PLXNA4: variants seen among roughly 807,000 people sequenced by gnomAD.
PLXNA4 encodes the protein plexin A4, also known as plexin-A4.
A neutral mutation model predicts 191.8 loss-of-function variants in PLXNA4; 44 were observed. That is an observed-to-expected ratio of 0.23 (90% CI 0.18 to 0.29). PLXNA4 has a LOEUF of 0.29. Ranked by LOEUF, PLXNA4 falls within the 10% of genes least tolerant of loss-of-function variation. PLXNA4 has a pLI of 1.00. For missense variants in PLXNA4, 1,800 were observed against 2,488.8 expected (o/e 0.72, Z 5.89); for synonymous variants, 1,082 against 1,009.5 (o/e 1.07, Z -1.36).
At chr7:132,183,058 A>G (rs1046561840) in intron 16 of PLXNA4, among the ~76,000 whole-genome samples, 4 of 152,218 alleles carry the variant, frequency 2.6e-5, no homozygotes, top group Admixed American at 6.5e-5. Context: ...GAATCCTGCT[A>G]TCTAAAACAG....
At chr7:132,331,683 T>G (rs1028908785) in intron 3 of PLXNA4, among the ~76,000 whole-genome samples, 3 of 152,222 alleles carry the variant, frequency 2.0e-5, no homozygotes, top group Non-Finnish European at 4.4e-5. Flanking sequence ...TGGTGGCTAT[T>G]GCTCTCGGGC....
In PLXNA4 at chr7:132,168,568, G is replaced by C; in HGVS notation, c.4022C>G (p.Pro1341Arg). Reference protein sequence around the residue: ...DHPVLRDLEVPGYRQERVEKG... With the variant: ...DHPVLRDLEVRGYRQERVEKG... ...CTCCACACGCTCCTGCCGGTAGCCC[G>C]GGACCTGCAGAGAGACCTAGGAGTC... is the stretch of plus-strand genomic sequence containing the variant. The change falls in exon 22 of 32, where the codon CCG (proline) becomes CGG (arginine). Residue 1341 changes from proline (P) to arginine (R), a missense_variant. Around this residue, in one of 6 missense-constraint regions of PLXNA4, gnomAD observed 1,397 missense variants for 1,880.4 expected, o/e 0.74. Transcript: ENST00000321063. The C allele has an allele frequency of 6.3e-7, 1 of 1,577,076 alleles. No individual in the cohort carries two copies. The highest frequency in any genetic ancestry group is 8.6e-7 in the Non-Finnish European group (1 of 1,160,090).
intron 3 of PLXNA4, among the ~76,000 whole-genome samples, chr7:132,448,921 G>C (rs1242595542): frequency 2.0e-5 from 3 of 152,220 alleles, no homozygotes; most frequent in African/African-American, 7.2e-5. Flanking sequence ...ATCAGGGATT[G>C]TACCTTTCAT....
At chr7:132,541,292 G>C (rs968540191) in intron 1 of PLXNA4, among the ~76,000 whole-genome samples, 4 of 152,196 alleles carry the variant, frequency 2.6e-5, no homozygotes, top group African/African-American at 7.2e-5. Context: ...GCAACTGACT[G>C]TGCTAAAATG....
At chr7:132,336,953 C>A (rs1314774918) in intron 3 of PLXNA4, among the ~76,000 whole-genome samples, 1 of 152,226 alleles carries the variant, frequency 6.6e-6, no homozygotes, top group Non-Finnish European at 1.5e-5. Context: ...CCACTTCTAG[C>A]TTCCTGCTCT....
At chr7:132,549,767 G>T (rs1277442622) in intron 1 of PLXNA4, among the ~76,000 whole-genome samples, 2 of 21,344 alleles carry the variant, frequency 9.4e-5, no homozygotes, top group Non-Finnish European at 3.3e-4. Flanking sequence ...TTCCCTTGGG[G>T]TGAGTTGTTT....
At chr7:132,198,139 C>T (rs747685777) in intron 13 of PLXNA4, among the ~76,000 whole-genome samples, 14 of 152,222 alleles carry the variant, frequency 9.2e-5, no homozygotes, top group East Asian at 1.9e-4. Flanking sequence ...GGGATGTGAG[C>T]GGGAAGTTGA....
At chr7:132,475,403 A>G (rs1797084217) in intron 3 of PLXNA4, among the ~76,000 whole-genome samples, 1 of 151,992 alleles carries the variant, frequency 6.6e-6, no homozygotes. Flanking sequence ...AAGAAACGGA[A>G]CCCCCTCTAA....
intron 4 of PLXNA4, among the ~76,000 whole-genome samples, chr7:132,252,710 TCTTC>T (rs1431454152): frequency 6.6e-6 from 1 of 152,192 alleles, no homozygotes; most frequent in African/African-American, 2.4e-5. Context: ...ACCCAGAAAG[TCTTC>T]CTCTTGGAAT....
intron 21 of PLXNA4, 27 bp from the exon 22 acceptor site, chr7:132,168,599 G>A (rs774929696): frequency 6.5e-7 from 1 of 1,541,018 alleles, no homozygotes; most frequent in Non-Finnish European, 8.8e-7. Flanking sequence ...GAGTCGTGAT[G>A]CCATTGGCAG....
At chr7:132,204,640 C>T (rs557185916) in intron 10 of PLXNA4, among the ~76,000 whole-genome samples, 10 of 152,254 alleles carry the variant, frequency 6.6e-5, no homozygotes, top group South Asian at 2.1e-4. Context: ...ACTGAGGCTC[C>T]GTCCTCCAAG....
At chr7:132,518,962 C>A (rs933429682) in intron 1 of PLXNA4, among the ~76,000 whole-genome samples, 1 of 152,198 alleles carries the variant, frequency 6.6e-6, no homozygotes, top group Admixed American at 6.5e-5. Context: ...CCAGCCGAGG[C>A]CCAGGCAGCC....
chr7:132,327,339 AAT>A (rs547719837), intron 3 of PLXNA4, among the ~76,000 whole-genome samples: 78 of 152,280 alleles, frequency 5.1e-4, no homozygotes, highest in African/African-American at 1.7e-3. Context: ...AGTACTGAGA[AAT>A]AAGTTAGTCA....
intron 2 of PLXNA4, among the ~76,000 whole-genome samples, chr7:132,630,001 C>T (rs1159621147): frequency 2.0e-5 from 3 of 152,092 alleles, no homozygotes; most frequent in Non-Finnish European, 2.9e-5. Context: ...AGGTGCCCAC[C>T]ACCACGCCTG....
intron 3 of PLXNA4, among the ~76,000 whole-genome samples, chr7:132,341,361 G>T (rs775849794): frequency 1.2e-4 from 19 of 152,136 alleles, no homozygotes; most frequent in Non-Finnish European, 2.6e-4. Context: ...AAAAAGGCCG[G>T]CAATTAACTA....
At chr7:132,622,546 G>GAA (rs59775711) in intron 2 of PLXNA4, among the ~76,000 whole-genome samples, 14 of 142,276 alleles carry the variant, frequency 9.8e-5, no homozygotes, top group Middle Eastern at 3.6e-3. Flanking sequence ...CTATCTGAAG[G>GAA]AAAAAAAAAA....
rs528162641 is a variant in PLXNA4 at position 132,227,069 on chromosome 7, C to T, written c.1882+382G>A. Among the ~76,000 whole-genome samples, 5 of 152,266 alleles carry T rather than the reference C, an allele frequency of 3.3e-5. No individual in the cohort carries two copies. The East Asian group carries it at 9.7e-4, about 30-fold the overall frequency. On this transcript the variant is annotated intron_variant, in intron 7 of 31. Transcript: ENST00000321063. ...GCAGTGGTCCAGGGTCAGAGATCGG[C>T]CATGTGAGCATCCCTGCTCCAGCTC... is the stretch of plus-strand genomic sequence containing the variant.
At chr7:132,644,771 A>G (rs1379888664) in intron 2 of PLXNA4, among the ~76,000 whole-genome samples, 1 of 152,222 alleles carries the variant, frequency 6.6e-6, no homozygotes, top group Non-Finnish European at 1.5e-5. Context: ...AAAATTAATG[A>G]TGAATCAATA....
At chr7:132,296,996 G>A (rs910184060) in intron 4 of PLXNA4, among the ~76,000 whole-genome samples, 5 of 152,044 alleles carry the variant, frequency 3.3e-5, no homozygotes, top group South Asian at 2.1e-4. Flanking sequence ...AGATGTCATC[G>A]AGCTCTTGGG....
Sources: allele counts gnomAD v4.1 joint callset (sites outside exome capture counted in the v4.1 genomes callset), GRCh38; gene constraint gnomAD v4.1.1; regional missense constraint gnomAD v4.1.1; transcripts MANE v1.5; gene names NCBI Gene and HGNC (gene_info 2026-07-23, HGNC 2026-07-21).